Variants in MDGA2 observed in about 807,000 individuals in gnomAD.
The protein encoded by MDGA2 is MAM domain containing glycosylphosphatidylinositol anchor 2.
A neutral mutation model predicts 117.8 loss-of-function variants in MDGA2; 40 were observed. The observed-to-expected ratio is 0.34, with a 90% CI of 0.26 to 0.44. The LOEUF is 0.44. Ranked by LOEUF, MDGA2 falls within the 20% of genes least tolerant of loss-of-function variation. The pLI is 1.00. For synonymous variants in MDGA2, 452 were observed against 439.0 expected, an observed-to-expected ratio of 1.03 and a Z score of -0.37; for missense variants, 1,123 against 1,250.6, an observed-to-expected ratio of 0.90 and a Z score of 1.54.
chr14:47,061,772 A>C (rs535388594), intron 6 of MDGA2, among the ~76,000 whole-genome samples, 194 bp from the exon 7 acceptor site: 7 of 152,150 alleles, frequency 4.6e-5, no homozygotes, highest in African/African-American at 1.7e-4. Context: ...AAAAAAATCT[A>C]AGTCAATTAA....
At chr14:47,354,100 A>T (rs747310826) in intron 1 of MDGA2, among the ~76,000 whole-genome samples, 3 of 152,256 alleles carry the variant, frequency 2.0e-5, no homozygotes, top group Non-Finnish European at 4.4e-5. Context: ...GACAAAATTC[A>T]ACATCCTATC....
intron 1 of MDGA2, among the ~76,000 whole-genome samples, chr14:47,401,488 G>T (rs1488745837): frequency 2.0e-5 from 3 of 152,204 alleles, no homozygotes; most frequent in Admixed American, 2.0e-4. Context: ...ATCAACTTTA[G>T]AAATGAGGTA....
At chr14:47,213,893 G>A (rs1885979378) in intron 3 of MDGA2, among the ~76,000 whole-genome samples, 2 of 152,110 alleles carry the variant, frequency 1.3e-5, no homozygotes, top group Admixed American at 6.6e-5. Flanking sequence ...AATCACAGCG[G>A]AAGGCAAAGA....
intron 1 of MDGA2, among the ~76,000 whole-genome samples, chr14:47,655,104 C>A (rs1050117600): frequency 3.3e-5 from 5 of 152,136 alleles, no homozygotes; most frequent in Non-Finnish European, 7.4e-5. Context: ...TTATTCACCA[C>A]TCTTGTTGAT....
At chr14:47,533,505 T>G (rs1347326625) in intron 1 of MDGA2, among the ~76,000 whole-genome samples, 1 of 152,216 alleles carries the variant, frequency 6.6e-6, no homozygotes, top group Non-Finnish European at 1.5e-5. Context: ...CTAAGAGGCT[T>G]GGAAGATACA....
chr14:46,944,133 G>A (rs1317211113), intron 9 of MDGA2, among the ~76,000 whole-genome samples: 2 of 151,750 alleles, frequency 1.3e-5, no homozygotes, highest in Admixed American at 6.6e-5. Flanking sequence ...AAAGATCACC[G>A]TTTAGCATAT....
intron 1 of MDGA2, among the ~76,000 whole-genome samples, chr14:47,321,621 C>T (rs188948603): frequency 1.3e-5 from 2 of 152,216 alleles, no homozygotes; most frequent in East Asian, 1.9e-4. Context: ...ACAGACTACC[C>T]TGTGATACTC....
chr14:47,379,191 C>A (rs1891550010), intron 1 of MDGA2, among the ~76,000 whole-genome samples: 1 of 152,162 alleles, frequency 6.6e-6, no homozygotes, highest in Admixed American at 6.5e-5. Flanking sequence ...ACCAGGCCTG[C>A]CTTACAAGAG....
intron 2 of MDGA2, among the ~76,000 whole-genome samples, chr14:47,260,654 A>G (rs893376751): frequency 1.3e-5 from 2 of 152,102 alleles, no homozygotes; most frequent in Non-Finnish European, 1.5e-5. Context: ...TTTTGTCTAT[A>G]TAGTCCCTGT....
At chr14:46,922,962 G>A (rs1884189111) in intron 9 of MDGA2, among the ~76,000 whole-genome samples, 1 of 152,162 alleles carries the variant, frequency 6.6e-6, no homozygotes, top group African/African-American at 2.4e-5. Flanking sequence ...GACTTTTGTT[G>A]ACTACCACGA....
chr14:46,924,868 C>G (rs992790065), intron 9 of MDGA2, among the ~76,000 whole-genome samples: 3 of 151,974 alleles, frequency 2.0e-5, no homozygotes, highest in Non-Finnish European at 4.4e-5. Flanking sequence ...CTGCTGAAAA[C>G]AAGCCATTTA....
chr14:47,659,579 T>A (rs989388354), intron 1 of MDGA2, among the ~76,000 whole-genome samples: 6 of 152,224 alleles, frequency 3.9e-5, no homozygotes, highest in Non-Finnish European at 8.8e-5. Context: ...TTAATTATTG[T>A]TGGTAAAATT....
chr14:47,590,972 A>G (rs898669739), intron 1 of MDGA2, among the ~76,000 whole-genome samples: 5 of 152,070 alleles, frequency 3.3e-5, no homozygotes, highest in African/African-American at 1.2e-4. Flanking sequence ...TAATCAACAA[A>G]TAATGATGAA....
intron 3 of MDGA2, among the ~76,000 whole-genome samples, chr14:47,166,821 G>A (rs1883899404): frequency 1.3e-5 from 2 of 152,196 alleles, no homozygotes; most frequent in South Asian, 2.1e-4. Context: ...ATAGTACTAA[G>A]AGCATAACCA....
intron 1 of MDGA2, among the ~76,000 whole-genome samples, chr14:47,580,569 G>A (rs1385604960): frequency 6.6e-6 from 1 of 151,824 alleles, no homozygotes; most frequent in African/African-American, 2.4e-5. Context: ...GAAGATCTGA[G>A]ATTGTAGAAA....
intron 3 of MDGA2, among the ~76,000 whole-genome samples, chr14:47,191,131 T>C (rs1052308478): frequency 2.6e-5 from 4 of 152,032 alleles, no homozygotes; most frequent in African/African-American, 9.7e-5. Context: ...CTAACATATA[T>C]ATACATATCT....
At chr14:47,666,086 G>A (rs1162263074) in intron 1 of MDGA2, among the ~76,000 whole-genome samples, 11 of 152,052 alleles carry the variant, frequency 7.2e-5, no homozygotes, top group Non-Finnish European at 1.5e-4. Context: ...ACACCAATCA[G>A]CACTCTGTAT....
chr14:47,131,382 T>C (rs1245640342), intron 5 of MDGA2, among the ~76,000 whole-genome samples: 1 of 152,018 alleles, frequency 6.6e-6, no homozygotes, highest in African/African-American at 2.4e-5. Flanking sequence ...TTTAGCAACT[T>C]CAATCACGAA....
At chr14:46,890,123 G>A (rs1882825261) in intron 10 of MDGA2, among the ~76,000 whole-genome samples, 1 of 151,930 alleles carries the variant, frequency 6.6e-6, no homozygotes, top group African/African-American at 2.4e-5. Context: ...TTCTCCCCCA[G>A]CCACCTCCTG....
Sources: gnomAD v4.1 joint callset for allele counts (sites outside exome capture counted in the v4.1 genomes callset) on GRCh38, gnomAD v4.1.1 for gene constraint, MANE v1.5 for transcripts, NCBI Gene and HGNC (gene_info 2026-07-23, HGNC 2026-07-21) for gene names.